EXOC6B: variants seen among roughly 807,000 people sequenced by gnomAD.
EXOC6B encodes SEC15 homolog B.
EXOC6B carries 54 observed loss-of-function variants against 113.5 expected under a neutral mutation model. The observed-to-expected ratio is 0.48, with a 90% CI of 0.38 to 0.60. The LOEUF is 0.60. EXOC6B is among the 20% of genes least tolerant of loss of function. EXOC6B has a pLI of 0.00. For missense variants in EXOC6B, 797 were observed against 977.5 expected (o/e 0.82, Z 2.46); for synonymous variants, 357 against 339.0 (o/e 1.05, Z -0.58).
At chr2:72,452,480 A>G (rs1696976905) in intron 18 of EXOC6B, among the ~76,000 whole-genome samples, 1 of 152,214 alleles carries the variant, frequency 6.6e-6, no homozygotes, top group Non-Finnish European at 1.5e-5. Context: ...GGAGTTCACA[A>G]GAAAATCAAA....
At chr2:72,678,233 A>G (rs555155496) in intron 6 of EXOC6B, among the ~76,000 whole-genome samples, 5 of 152,168 alleles carry the variant, frequency 3.3e-5, no homozygotes, top group African/African-American at 1.2e-4. Context: ...CACACTTTCA[A>G]TTTTTTCTTG....
chr2:72,415,186 G>A (rs1694445294), intron 18 of EXOC6B, among the ~76,000 whole-genome samples: 1 of 152,114 alleles, frequency 6.6e-6, no homozygotes, highest in South Asian at 2.1e-4. Flanking sequence ...AAGATAATGA[G>A]CTTTACGGTT....
At chr2:72,664,473 T>C (rs1275824927) in intron 6 of EXOC6B, among the ~76,000 whole-genome samples, 1 of 151,948 alleles carries the variant, frequency 6.6e-6, no homozygotes, top group Non-Finnish European at 1.5e-5. Flanking sequence ...GTACAAGAGA[T>C]CCCATGACCC....
intron 11 of EXOC6B, 82 bp downstream of exon 11, chr2:72,513,050 T>A (rs1701028644): frequency 6.7e-7 from 1 of 1,486,876 alleles, no homozygotes; most frequent in African/African-American, 1.4e-5. Flanking sequence ...AAGACATACA[T>A]ATGTTGATTT....
chr2:72,190,768 C>T (rs958093705), intron 20 of EXOC6B, among the ~76,000 whole-genome samples: 1 of 152,196 alleles, frequency 6.6e-6, no homozygotes, highest in Non-Finnish European at 1.5e-5. Flanking sequence ...TCCCCAGAAG[C>T]TCATTCCTCA....
chr2:72,804,238 A>G (rs187254496), intron 1 of EXOC6B, among the ~76,000 whole-genome samples: 2 of 152,302 alleles, frequency 1.3e-5, no homozygotes, highest in East Asian at 3.9e-4. Context: ...CATTCTCTTC[A>G]TATGCTTCTG....
chr2:72,346,186 T>C (rs1689326101), intron 19 of EXOC6B, among the ~76,000 whole-genome samples: 1 of 152,160 alleles, frequency 6.6e-6, no homozygotes, highest in Non-Finnish European at 1.5e-5. Context: ...AATTCTCCTA[T>C]CTTCTTACAA....
chr2:72,483,563 A>C (rs1419985108), intron 16 of EXOC6B, among the ~76,000 whole-genome samples: 1 of 152,214 alleles, frequency 6.6e-6, no homozygotes, highest in South Asian at 2.1e-4. Flanking sequence ...AATTACATCA[A>C]TTGGCTGTCA....
At chr2:72,435,891 A>C (rs973200574) in intron 18 of EXOC6B, among the ~76,000 whole-genome samples, 3 of 152,114 alleles carry the variant, frequency 2.0e-5, no homozygotes, top group Non-Finnish European at 4.4e-5. Context: ...CATTTAGCCC[A>C]TTTACATTTA....
rs973894575 is a variant in EXOC6B, at chr2:72,448,289, C to G, written c.1980+16871G>C. On this transcript the variant is annotated intron_variant, in intron 18 of 21. Transcript: ENST00000272427. ...CAAACTGTTATATAATTTTTTGATC[C>G]TCTTCATCTTTTTGAAGAACATAAT... Among the ~76,000 whole-genome samples, 10 of 152,190 alleles carry G rather than the reference C, an allele frequency of 6.6e-5. 1 individual carries two copies. In the South Asian group the frequency reaches 8.3e-4, roughly 13 times the overall value.
chr2:72,306,832 A>G (rs1286170173), intron 20 of EXOC6B, among the ~76,000 whole-genome samples: 1 of 152,170 alleles, frequency 6.6e-6, no homozygotes, highest in African/African-American at 2.4e-5. Flanking sequence ...CTGGGAAAAA[A>G]CATGATAATA....
At chr2:72,639,840 T>C (rs991686188) in intron 6 of EXOC6B, among the ~76,000 whole-genome samples, 2 of 151,954 alleles carry the variant, frequency 1.3e-5, no homozygotes, top group African/African-American at 4.8e-5. Context: ...AAGTCATCAA[T>C]AGATTAAAGG....
At chr2:72,516,758 T>C (rs1052309945) in intron 8 of EXOC6B, among the ~76,000 whole-genome samples, 2 of 152,164 alleles carry the variant, frequency 1.3e-5, no homozygotes, top group Non-Finnish European at 2.9e-5. Flanking sequence ...CTAATAAGTG[T>C]GCCATGGTTT....
chr2:72,795,523 C>T (rs113777422), intron 1 of EXOC6B, among the ~76,000 whole-genome samples: 1 of 151,906 alleles, frequency 6.6e-6, no homozygotes, highest in South Asian at 2.1e-4. Flanking sequence ...TTGCAGTGAG[C>T]CGAGATCACG....
chr2:72,772,728 G>A (rs899759656), intron 1 of EXOC6B, among the ~76,000 whole-genome samples: 6 of 152,144 alleles, frequency 3.9e-5, no homozygotes, highest in African/African-American at 7.2e-5. Context: ...GCCAACCTAT[G>A]CACTCGACCA....
At chr2:72,663,182 T>C (rs532752091) in intron 6 of EXOC6B, among the ~76,000 whole-genome samples, 5 of 152,242 alleles carry the variant, frequency 3.3e-5, no homozygotes, top group South Asian at 2.1e-4. Context: ...TACAATGGAG[T>C]AATACTCAAC....
intron 18 of EXOC6B, among the ~76,000 whole-genome samples, chr2:72,448,796 A>T (rs1167950807): frequency 6.6e-6 from 1 of 152,220 alleles, no homozygotes; most frequent in Non-Finnish European, 1.5e-5. Context: ...GTGTTCAAAC[A>T]ACTAGACAGG....
intron 20 of EXOC6B, among the ~76,000 whole-genome samples, chr2:72,266,289 T>C (rs1236193162): frequency 1.3e-4 from 20 of 150,404 alleles, no homozygotes; most frequent in Non-Finnish European, 2.5e-4. Context: ...TTGGCTTTTG[T>C]TGCCATTGCT....
At chr2:72,457,006 G>T (rs1457846121) in intron 18 of EXOC6B, among the ~76,000 whole-genome samples, 1 of 149,894 alleles carries the variant, frequency 6.7e-6, no homozygotes, top group African/African-American at 2.5e-5. Context: ...CGAAAGGCAT[G>T]GGGGGGAAAA....
Sources: gnomAD v4.1 joint callset for allele counts (sites outside exome capture counted in the v4.1 genomes callset) on GRCh38, gnomAD v4.1.1 for gene constraint, MANE v1.5 for transcripts, NCBI Gene and HGNC (gene_info 2026-07-23, HGNC 2026-07-21) for gene names.